Variants in GRIK1 observed in about 807,000 individuals in gnomAD.
GRIK1 encodes glutamate ionotropic receptor kainate type subunit 1, also known as glutamate receptor ionotropic, kainate 1.
A neutral mutation model predicts 105.7 loss-of-function variants in GRIK1; 69 were observed. The observed-to-expected ratio is 0.65, with a 90% CI of 0.54 to 0.80. The LOEUF is 0.80. Ranked by LOEUF, GRIK1 falls within the 30% of genes least tolerant of loss-of-function variation. The pLI, the probability that GRIK1 is intolerant of heterozygous loss-of-function variation, is 0.00. For synonymous variants in GRIK1, 438 were observed against 431.3 expected, an observed-to-expected ratio of 1.02 and a Z score of -0.19; for missense variants, 1,109 against 1,167.3, an observed-to-expected ratio of 0.95 and a Z score of 0.73.
At chr21:29,934,291 T>C (rs2071671772) in intron 1 of GRIK1, among the ~76,000 whole-genome samples, 1 of 152,212 alleles carries the variant, frequency 6.6e-6, no homozygotes, top group Admixed American at 6.5e-5. Context: ...TTTAAGTAAT[T>C]TAGTTACCCT....
chr21:29,916,408 A>T (rs1403847129), intron 1 of GRIK1, among the ~76,000 whole-genome samples: 1 of 151,994 alleles, frequency 6.6e-6, no homozygotes, highest in Non-Finnish European at 1.5e-5. Flanking sequence ...TTTAAGAAGC[A>T]GCAGCATTAG....
At chr21:29,753,893 A>T (rs1408718852) in intron 1 of GRIK1, among the ~76,000 whole-genome samples, 2 of 152,122 alleles carry the variant, frequency 1.3e-5, no homozygotes, top group African/African-American at 4.8e-5. Context: ...TATGTAGATC[A>T]TATGTACGTT....
intron 14 of GRIK1, among the ~76,000 whole-genome samples, chr21:29,562,306 CTCTTT>C (rs1488045876): frequency 6.6e-6 from 1 of 152,152 alleles, no homozygotes; most frequent in Non-Finnish European, 1.5e-5. Flanking sequence ...ATTCACTCTT[CTCTTT>C]TCTAGAAAAC....
intron 16 of GRIK1, among the ~76,000 whole-genome samples, chr21:29,547,926 A>G (rs1317805120): frequency 6.6e-6 from 1 of 152,256 alleles, no homozygotes; most frequent in Non-Finnish European, 1.5e-5. Context: ...TGAGTGGGTT[A>G]TCAAATGACA....
chr21:29,771,819 A>C (rs1299239224), intron 1 of GRIK1, among the ~76,000 whole-genome samples: 1 of 152,228 alleles, frequency 6.6e-6, no homozygotes, highest in Admixed American at 6.5e-5. Context: ...GCTGGCAAAT[A>C]GCTGCTGTCT....
chr21:29,714,564 A>G (rs2064134893), intron 1 of GRIK1, among the ~76,000 whole-genome samples: 1 of 152,152 alleles, frequency 6.6e-6, no homozygotes, highest in South Asian at 2.1e-4. Flanking sequence ...CTTCACCAAG[A>G]GTAGGTGGAT....
intron 7 of GRIK1, among the ~76,000 whole-genome samples, chr21:29,623,155 G>A (rs113974109): frequency 0.02 from 3,020 of 152,246 alleles, 38 homozygotes; most frequent in South Asian, 0.035. Context: ...TCACAATCAT[G>A]GCAGAAAATG....
At chr21:29,678,335 A>G (rs749045763) in intron 3 of GRIK1, among the ~76,000 whole-genome samples, 4 of 152,178 alleles carry the variant, frequency 2.6e-5, no homozygotes, top group Admixed American at 6.5e-5. Context: ...ATCTTCATAC[A>G]TAGCGTTTTT....
chr21:29,642,036 A>G (rs570298135), intron 7 of GRIK1, among the ~76,000 whole-genome samples: 1 of 152,340 alleles, frequency 6.6e-6, no homozygotes, highest in South Asian at 2.1e-4. Context: ...ATATTAGAAT[A>G]GCATCTCAGA....
chr21:29,874,936 T>C (rs992725540), intron 1 of GRIK1, among the ~76,000 whole-genome samples: 2 of 152,082 alleles, frequency 1.3e-5, no homozygotes, highest in African/African-American at 4.8e-5. Context: ...TGACTATTTA[T>C]TAAGAATGCT....
chr21:29,580,387 T>G (rs2091001722), intron 13 of GRIK1, among the ~76,000 whole-genome samples: 1 of 152,068 alleles, frequency 6.6e-6, no homozygotes, highest in Non-Finnish European at 1.5e-5. Context: ...CTATACTTAT[T>G]TAGCAGTGCC....
At chr21:29,620,866 T>C (rs1365438108) in intron 7 of GRIK1, among the ~76,000 whole-genome samples, 1 of 146,188 alleles carries the variant, frequency 6.8e-6, no homozygotes, top group East Asian at 1.9e-4. Flanking sequence ...TGTAGTTATA[T>C]ATATTATTTC....
intron 5 of GRIK1, among the ~76,000 whole-genome samples, chr21:29,652,109 A>T (rs1168176388): frequency 6.6e-6 from 1 of 152,216 alleles, no homozygotes; most frequent in Non-Finnish European, 1.5e-5. Flanking sequence ...TTCCCAGTTC[A>T]TAGCCTTTGG....
At chr21:29,661,264 G>A (rs1029397189) in intron 4 of GRIK1, among the ~76,000 whole-genome samples, 8 of 152,164 alleles carry the variant, frequency 5.3e-5, no homozygotes, top group Admixed American at 6.5e-5. Context: ...TTATGGAGGG[G>A]ACCAAATAAT....
chr21:29,872,308 C>T (rs2069046447), intron 1 of GRIK1, among the ~76,000 whole-genome samples: 1 of 151,530 alleles, frequency 6.6e-6, no homozygotes, highest in Non-Finnish European at 1.5e-5. Flanking sequence ...ATTCTCCTGC[C>T]TCAGCCTCCC....
At chr21:29,811,778 A>G (rs2067015348) in intron 1 of GRIK1, among the ~76,000 whole-genome samples, 1 of 152,160 alleles carries the variant, frequency 6.6e-6, no homozygotes. Context: ...TTCCACCTTC[A>G]TTATAGTCTA....
chr21:29,661,818 T>C (rs552815059), intron 4 of GRIK1, among the ~76,000 whole-genome samples: 9 of 152,252 alleles, frequency 5.9e-5, no homozygotes, highest in South Asian at 2.1e-4. Flanking sequence ...AGAGGAAAAA[T>C]TGACTTTTTT....
At chr21:29,757,128 A>G (rs1348572429) in intron 1 of GRIK1, among the ~76,000 whole-genome samples, 1 of 152,096 alleles carries the variant, frequency 6.6e-6, no homozygotes. Flanking sequence ...AATATAAAAA[A>G]TAAAAATAAA....
At chr21:29,752,816 T>C (rs950467015) in intron 1 of GRIK1, among the ~76,000 whole-genome samples, 2 of 152,206 alleles carry the variant, frequency 1.3e-5, no homozygotes, top group Non-Finnish European at 2.9e-5. Context: ...CAACTTTGGA[T>C]GACAGAGTGA....
Sources: gnomAD v4.1 joint callset for allele counts (sites outside exome capture counted in the v4.1 genomes callset) on GRCh38, gnomAD v4.1.1 for gene constraint, MANE v1.5 for transcripts, NCBI Gene and HGNC (gene_info 2026-07-23, HGNC 2026-07-21) for gene names.